ZNF438: variants seen among roughly 807,000 people sequenced by gnomAD.
ZNF438 encodes the protein zinc finger protein 438.
In ZNF438, 25 loss-of-function variants were observed where a neutral mutation model predicts 38.0. The observed-to-expected ratio is 0.66, with a 90% CI of 0.48 to 0.92. ZNF438 has a LOEUF of 0.92. Among genes scored for constraint, ZNF438 ranks in the 40% least tolerant of loss-of-function variants. The pLI is 0.00. For missense variants in ZNF438, 1,007 were observed against 999.6 expected, an observed-to-expected ratio of 1.01 and a Z score of -0.10; for synonymous variants, 372 against 364.1, an observed-to-expected ratio of 1.02 and a Z score of -0.25.
exon 6 of ZNF438, chr10:30,845,251 G>A (rs1262096792): frequency 6.2e-7 from 1 of 1,614,174 alleles, no homozygotes; most frequent in Admixed American, 1.7e-5. Flanking sequence ...CCATTCTGAT[G>A]AAGGTGGAGC....
At chr10:30,875,219 G>A in intron 4 of ZNF438, 3 of 980,416 alleles carry the variant, frequency 3.1e-6, no homozygotes, top group Non-Finnish European at 3.6e-6. Context: ...GTAGGCATCA[G>A]AACAAAACAA....
chr10:31,000,026 T>C (rs926078405), intron 1 of ZNF438, among the ~76,000 whole-genome samples: 1 of 152,246 alleles, frequency 6.6e-6, no homozygotes, highest in Non-Finnish European at 1.5e-5. Context: ...ATCTCTTTTT[T>C]GTAGGTAATG....
intron 5 of ZNF438, among the ~76,000 whole-genome samples, chr10:30,847,426 C>A (rs1051605259): frequency 1.3e-5 from 2 of 152,210 alleles, no homozygotes; most frequent in Non-Finnish European, 2.9e-5. Flanking sequence ...CTGCCCCCTG[C>A]AGTTCAACTC....
At chr10:30,847,088 G>A (rs2032343299) in intron 5 of ZNF438, among the ~76,000 whole-genome samples, 1 of 152,224 alleles carries the variant, frequency 6.6e-6, no homozygotes, top group African/African-American at 2.4e-5. Context: ...CAGCCTGGGT[G>A]CCATAAACAG....
chr10:30,887,610 G>A (rs569730232), intron 3 of ZNF438, among the ~76,000 whole-genome samples: 60 of 152,068 alleles, frequency 3.9e-4, no homozygotes, highest in Non-Finnish European at 7.8e-4. Context: ...GGCTGGTCTC[G>A]AACTCCTGAC....
At chr10:30,850,324 A>G in exon 5 of ZNF438, 1 of 1,614,134 alleles carries the variant, frequency 6.2e-7, no homozygotes, top group East Asian at 2.2e-5. Flanking sequence ...TATTCTGCAA[A>G]CCTTTCCTAC....
intron 3 of ZNF438, among the ~76,000 whole-genome samples, chr10:30,904,440 A>G (rs991849133): frequency 7.9e-5 from 12 of 152,080 alleles, no homozygotes; most frequent in Non-Finnish European, 1.6e-4. Flanking sequence ...TCCACTGCCA[A>G]CTGTCTGGTG....
chr10:30,853,846 T>C (rs1187355180), intron 4 of ZNF438, among the ~76,000 whole-genome samples: 1 of 151,340 alleles, frequency 6.6e-6, no homozygotes, highest in Non-Finnish European at 1.5e-5. Flanking sequence ...AATACAAAAA[T>C]TAGCCGAGTG....
At chr10:30,897,381 T>C (rs1191836865) in intron 3 of ZNF438, among the ~76,000 whole-genome samples, 2 of 152,240 alleles carry the variant, frequency 1.3e-5, no homozygotes, top group Non-Finnish European at 2.9e-5. Flanking sequence ...GTGAGTTTAT[T>C]AGAAAGGCAG....
At chr10:30,895,966 A>T (rs1436705865) in intron 3 of ZNF438, among the ~76,000 whole-genome samples, 1 of 152,206 alleles carries the variant, frequency 6.6e-6, no homozygotes, top group Non-Finnish European at 1.5e-5. Flanking sequence ...TTAAAAATAG[A>T]ATTACCATAT....
chr10:30,956,851 A>G (rs771356186), intron 1 of ZNF438, among the ~76,000 whole-genome samples: 1 of 152,186 alleles, frequency 6.6e-6, no homozygotes, highest in Non-Finnish European at 1.5e-5. Context: ...TAAACATAGG[A>G]GGGCAGGTAT....
At chr10:31,026,497 T>A (rs1281682600) in intron 1 of ZNF438, among the ~76,000 whole-genome samples, 2 of 152,210 alleles carry the variant, frequency 1.3e-5, no homozygotes, top group Non-Finnish European at 2.9e-5. Context: ...AAAATGCTCA[T>A]CATCACTGGC....
intron 1 of ZNF438, among the ~76,000 whole-genome samples, chr10:31,030,671 G>C (rs766657539): frequency 1.6e-4 from 25 of 152,158 alleles, no homozygotes; most frequent in African/African-American, 6.0e-4. Context: ...TGGATGAAAA[G>C]ATATCACACT....
intron 4 of ZNF438, among the ~76,000 whole-genome samples, chr10:30,874,084 T>TTACG: frequency 7.2e-6 from 1 of 138,978 alleles, no homozygotes; most frequent in Non-Finnish European, 1.5e-5. Flanking sequence ...ATGTAATATA[T>TTACG]TACGTGTGGG....
intron 2 of ZNF438, among the ~76,000 whole-genome samples, chr10:30,924,518 A>G (rs1011567236): frequency 1.3e-5 from 2 of 152,234 alleles, no homozygotes; most frequent in South Asian, 2.1e-4. Flanking sequence ...TTCCTGAGAA[A>G]GGAACTCAGA....
intron 1 of ZNF438, among the ~76,000 whole-genome samples, chr10:31,016,380 C>A (rs549933631): frequency 2.0e-4 from 31 of 152,202 alleles, no homozygotes; most frequent in Admixed American, 7.8e-4. Flanking sequence ...TCCAATCTAA[C>A]ATTCTATATT....
chr10:30,965,233 G>A (rs1349039968), intron 1 of ZNF438, among the ~76,000 whole-genome samples: 2 of 152,138 alleles, frequency 1.3e-5, no homozygotes, highest in East Asian at 3.9e-4. Flanking sequence ...AAACCAAAAT[G>A]AGATACCATC....
At chr10:30,845,609 T>C (rs571210867) in intron 5 of ZNF438, 36 bp from the exon 7 acceptor site, 5 of 1,573,888 alleles carry the variant, frequency 3.2e-6, no homozygotes, top group Admixed American at 3.7e-5. Context: ...TAAGATTTCA[T>C]GGAAAAATGC....
At chr10:30,978,645 A>T (rs891327204) in intron 1 of ZNF438, among the ~76,000 whole-genome samples, 9 of 152,164 alleles carry the variant, frequency 5.9e-5, no homozygotes, top group African/African-American at 2.2e-4. Context: ...GCATGCAACA[A>T]CTTGTCCACT....
Sources: allele counts gnomAD v4.1 joint callset (sites outside exome capture counted in the v4.1 genomes callset), GRCh38; gene constraint gnomAD v4.1.1; transcripts MANE v1.5; gene names NCBI Gene and HGNC (gene_info 2026-07-23, HGNC 2026-07-21).